The following FBXW2 variants were observed in gnomAD, a reference collection of about 807,000 sequenced individuals.
FBXW2 encodes F-box and WD repeat domain containing 2.
A neutral mutation model predicts 46.0 loss-of-function variants in FBXW2; 12 were observed. The observed-to-expected ratio is 0.26, with a 90% confidence interval of 0.17 to 0.42. The LOEUF (loss-of-function observed/expected upper bound fraction) is 0.42. Among genes scored for constraint, FBXW2 ranks in the 10% least tolerant of loss-of-function variants. The probability of loss-of-function intolerance (pLI) is 1.00; values close to 1 mark genes in which losing one functional copy is unlikely to be tolerated. For missense variants in FBXW2, 360 were observed against 537.0 expected, an observed-to-expected ratio of 0.67 and a Z score of 3.26; for synonymous variants, 203 against 209.6, an observed-to-expected ratio of 0.97 and a Z score of 0.27.
In FBXW2 at chr9:120,763,087, G is replaced by T. The variant is rs941149186; in HGVS notation, c.*1472C>A. 7 of 152,148 alleles carry T rather than the reference G, an allele frequency of 4.6e-5. No homozygotes were observed. The highest frequency in any genetic ancestry group is 6.6e-5 in the Admixed American group (1 of 15,262). 9.4% of individuals were successfully genotyped at this position (152,148 alleles called of 1,614,324 possible). A position where few individuals can be genotyped will look rare whatever the true frequency, so the allele number is the denominator to read the frequency against. Reference sequence around the variant, plus strand: ...TATTTCAAATTTTCTTTAATCAGTTGTAACGTTTTAAAAATCCAGGATTTC... The same window carrying T: ...TATTTCAAATTTTCTTTAATCAGTTTTAACGTTTTAAAAATCCAGGATTTC... On this transcript the variant is annotated 3_prime_UTR_variant, in exon 8 of 8. Transcript: ENST00000608872.
intron 7 of FBXW2, among the ~76,000 whole-genome samples, chr9:120,766,488 T>C (rs113364420): frequency 2.7e-4 from 41 of 152,300 alleles, no homozygotes; most frequent in African/African-American, 8.4e-4. Context: ...TTTATTGAGA[T>C]GGAGTCTCGC....
rs1370686578 is a variant in FBXW2, at chr9:120,762,408, C to T, written c.*2151G>A. On this transcript the variant is annotated 3_prime_UTR_variant, in exon 8 of 8. Coordinates refer to ENST00000608872, the MANE Select transcript of FBXW2 (RefSeq NM_012164.4). ...CATCATTGCCCAAAGTCTCCTGGGG[C>T]TTCTGCAAAATAGATTCAGTTGTGA... 2 of 152,058 alleles carry T rather than the reference C, an allele frequency of 1.3e-5. No homozygotes were observed. Among genetic ancestry groups the T allele is most frequent in the East Asian group, 3.8e-4 (2 of 5,200 alleles). The allele number at this position is 152,058 out of a possible 1,614,324, so 9.4% of individuals were successfully genotyped here. A position where few individuals can be genotyped will look rare whatever the true frequency, so the allele number is the denominator to read the frequency against.
chr9:120,770,999 A>T (rs10985032), intron 7 of FBXW2, among the ~76,000 whole-genome samples: 21,867 of 152,252 alleles, frequency 0.14, 1,674 homozygotes, highest in Middle Eastern at 0.18. Flanking sequence ...GAATTTCAAC[A>T]GAATATGAAA....
chr9:120,769,421 T>C (rs1335230050), intron 7 of FBXW2, among the ~76,000 whole-genome samples: 2 of 152,252 alleles, frequency 1.3e-5, no homozygotes, highest in African/African-American at 4.8e-5. Context: ...AACTTTCATC[T>C]AGGACTCTAG....
intron 5 of FBXW2, among the ~76,000 whole-genome samples, chr9:120,774,473 C>G (rs1463369781): frequency 6.6e-6 from 1 of 151,868 alleles, no homozygotes; most frequent in African/African-American, 2.4e-5. Flanking sequence ...GATCATGACA[C>G]GGCATTCCAG....
At chr9:120,788,306 T>C (rs2044764663) in intron 2 of FBXW2, 28 bp from the exon 3 acceptor site, 1 of 1,585,694 alleles carries the variant, frequency 6.3e-7, no homozygotes, top group East Asian at 2.2e-5. Context: ...ATTGTATTAG[T>C]TCTGCTCAAA....
intron 7 of FBXW2, among the ~76,000 whole-genome samples, chr9:120,767,263 A>G (rs2044292890): frequency 6.6e-6 from 1 of 152,236 alleles, no homozygotes; most frequent in African/African-American, 2.4e-5. Flanking sequence ...TGAAACTAAG[A>G]AAATAGTTAA....
rs748420621 is a variant in FBXW2 at position 120,787,762 on chromosome 9, C to A, written c.490+7G>T. 1 of 1,605,094 alleles carries A rather than the reference C, an allele frequency of 6.2e-7. No individual in the cohort carries two copies. On this transcript the variant is annotated splice_region_variant and intron_variant, in intron 3 of 7. Transcript: ENST00000608872. ...AAAACCCAAAAAGCAGTTTCAACAT[C>A]TCTTACCTGTACAGAGAAGTCCATC...
rs759134977 is a variant in FBXW2 at position 120,778,588 on chromosome 9, C to T, written c.491-43G>A. 66 of 1,540,608 alleles carry T rather than the reference C, an allele frequency of 4.3e-5. 2 individuals carry two copies. Among genetic ancestry groups the T allele is most frequent in the Non-Finnish European group, 5.5e-5 (62 of 1,124,336 alleles). ...GGAGGTTAATAAGAAAACAAACACA[C>T]TAAAGAAGGAAAATCAATCCCAAAA... On this transcript the variant is annotated intron_variant, in intron 3 of 7. Transcript: ENST00000608872.
intron 7 of FBXW2, among the ~76,000 whole-genome samples, chr9:120,765,224 A>C (rs946402520): frequency 2.0e-5 from 3 of 151,730 alleles, no homozygotes; most frequent in African/African-American, 7.3e-5. Context: ...CCTCACAAGT[A>C]GCTGGGACTA....
Position 120,778,515 on chromosome 9 carries a change from T to A in FBXW2, c.521A>T (p.Asp174Val). The change falls in exon 4 of 8, where the codon GAT becomes GTT. Residue 174 changes from aspartate to valine, a missense_variant. By Grantham distance (152) the Asp-to-Val change is radical. Coordinates refer to ENST00000608872, the MANE Select transcript of FBXW2 (RefSeq NM_012164.4). Reference protein sequence around the residue: ...GSDDLSAKLWDVSTGQCVYGI... With the variant: ...GSDDLSAKLWVVSTGQCVYGI... ...ATAAACGCACTGCCCTGTGCTCACA[T>A]CCCACAGCTTTGCAGACAAGTCATC... 6.2e-7 allele frequency: 1 copy of A among 1,613,992 alleles called. No homozygotes were observed. The highest frequency in any genetic ancestry group is 8.5e-7 in the Non-Finnish European group (1 of 1,179,976).
Position 120,764,424 on chromosome 9 carries a change from A to T in FBXW2, c.*135T>A. The T allele has an allele frequency of 1.9e-6, 2 of 1,039,706 alleles. No homozygotes were observed. The highest frequency in any genetic ancestry group is 2.8e-6 in the Non-Finnish European group (2 of 710,044). The allele number at this position is 1,039,706 out of a possible 1,614,324, so 64.4% of individuals were successfully genotyped here. On this transcript the variant is annotated 3_prime_UTR_variant, in exon 8 of 8. Coordinates refer to ENST00000608872, the MANE Select transcript of FBXW2 (RefSeq NM_012164.4). ...CGAGCCCTGGCCCCTGGCAAAACAT[A>T]GATAAATGATTGTGCACTGCGTGAT... is the stretch of plus-strand genomic sequence containing the variant.
At chr9:120,772,868 G>C (rs771081538) in intron 5 of FBXW2, 28 bp from the exon 6 acceptor site, 1 of 1,489,050 alleles carries the variant, frequency 6.7e-7, no homozygotes, top group Non-Finnish European at 9.3e-7. Flanking sequence ...GTTACGGAAA[G>C]ATCCTTTTAA....
rs180709448 is a variant in FBXW2 at position 120,757,607 on chromosome 9, T to G, written c.*6952A>C. The G allele has an allele frequency of 9.6e-4, 146 of 152,346 alleles. No individual in the cohort carries two copies. The highest frequency in any genetic ancestry group is 1.8e-3 in the Non-Finnish European group (121 of 68,020). 9.4% of individuals were successfully genotyped at this position (152,346 alleles called of 1,614,324 possible). ...TTACAAAACAATGATTTGCAGTACA[T>G]AAATCCATACACATGTGCATAAGGA... is the stretch of plus-strand genomic sequence containing the variant. On this transcript the variant is annotated 3_prime_UTR_variant, in exon 8 of 8. Coordinates refer to ENST00000608872, the MANE Select transcript of FBXW2 (RefSeq NM_012164.4).
Position 120,772,532 on chromosome 9 carries a change from A to C in FBXW2, c.906+222T>G, listed in dbSNP as rs117379460. Among the ~76,000 whole-genome samples the C allele has an allele frequency of 1.6e-4, 24 of 152,236 alleles. No homozygotes were observed. The East Asian group carries it at 4.4e-3, about 28-fold the overall frequency. On this transcript the variant is annotated intron_variant, in intron 6 of 7. Transcript: ENST00000608872. ...CAAAAATTAAGAATAAGCTGAACAT[A>C]AATTTATGTGAATTTCTTTTTCATT...
chr9:120,770,355 G>A (rs1363582368), intron 7 of FBXW2, among the ~76,000 whole-genome samples: 1 of 144,058 alleles, frequency 6.9e-6, no homozygotes, highest in African/African-American at 2.6e-5. Flanking sequence ...CAGCCTGGGC[G>A]ACAGAGCGAG....
At chr9:120,768,494 A>G (rs2044314406) in intron 7 of FBXW2, among the ~76,000 whole-genome samples, 1 of 152,204 alleles carries the variant, frequency 6.6e-6, no homozygotes, top group Non-Finnish European at 1.5e-5. Context: ...GTGGTGAAAT[A>G]AACAAAGGCA....
rs2044222012 is a variant in FBXW2 at position 120,763,172 on chromosome 9, GCTTGCTTCTC to G, written c.*1377_*1386del. ...CAATGTGAAGACCTGCCAACCCTGG[GCTTGCTTCTC>G]CTAATGACAAAACAGAGCTGAATAA... On this transcript the variant is annotated 3_prime_UTR_variant, in exon 8 of 8. Transcript: ENST00000608872. 6.6e-6 allele frequency: 1 copy of G among 152,170 alleles called. No homozygotes were observed. Among genetic ancestry groups the G allele is most frequent in the African/African-American group, 2.4e-5 (1 of 41,448 alleles). The allele number at this position is 152,170 out of a possible 1,614,324, so 9.4% of individuals were successfully genotyped here. A position where few individuals can be genotyped will look rare whatever the true frequency, so the allele number is the denominator to read the frequency against.
At chr9:120,769,870 A>G (rs1288592629) in intron 7 of FBXW2, among the ~76,000 whole-genome samples, 1 of 152,232 alleles carries the variant, frequency 6.6e-6, no homozygotes, top group Non-Finnish European at 1.5e-5. Flanking sequence ...TTTTCTAGGA[A>G]AGGTTTCAGT....
Sources: gnomAD v4.1 joint callset for allele counts (sites outside exome capture counted in the v4.1 genomes callset) on GRCh38, gnomAD v4.1.1 for gene constraint, MANE v1.5 for transcripts, NCBI Gene and HGNC (gene_info 2026-07-23, HGNC 2026-07-21) for gene names.